Variants in ANGPT2 observed in about 807,000 individuals in gnomAD.
ANGPT2 encodes angiopoietin-2.
A neutral mutation model predicts 62.9 loss-of-function variants in ANGPT2; 28 were observed. The ratio of observed to expected loss-of-function variants is 0.44; its 90% CI spans 0.33 to 0.61. The LOEUF (loss-of-function observed/expected upper bound fraction) is 0.61, where lower values mean the gene tolerates loss of function less well. ANGPT2 is among the 20% of genes least tolerant of loss of function. The pLI is 0.03. For synonymous variants in ANGPT2, 284 were observed against 207.8 expected (o/e 1.37, Z -3.15); for missense variants, 727 against 594.9 (o/e 1.22, Z -2.31).
At chr8:6,520,870 T>G (rs937863144) in intron 4 of ANGPT2, among the ~76,000 whole-genome samples, 1 of 152,234 alleles carries the variant, frequency 6.6e-6, no homozygotes, top group African/African-American at 2.4e-5. Flanking sequence ...ATGTAAAACC[T>G]AAATAAATGA....
At chr8:6,544,902 T>C (rs1048774431) in intron 1 of ANGPT2, among the ~76,000 whole-genome samples, 2 of 152,008 alleles carry the variant, frequency 1.3e-5, no homozygotes, top group Admixed American at 6.6e-5. Flanking sequence ...GATTCTTTGG[T>C]CAGTAGTCTC....
chr8:6,537,820 TA>T (rs1335826335), intron 1 of ANGPT2, among the ~76,000 whole-genome samples: 1 of 152,146 alleles, frequency 6.6e-6, no homozygotes, highest in Admixed American at 6.5e-5. Context: ...ATATGAAAAC[TA>T]TCCCCAACTT....
intron 1 of ANGPT2, among the ~76,000 whole-genome samples, chr8:6,554,993 C>G (rs572313073): frequency 3.9e-5 from 6 of 152,120 alleles, no homozygotes; most frequent in East Asian, 1.9e-4. Context: ...CACACCTGAC[C>G]TAGAGTCCAG....
At chr8:6,535,335 T>G (rs1039986760) in intron 1 of ANGPT2, among the ~76,000 whole-genome samples, 1 of 152,198 alleles carries the variant, frequency 6.6e-6, no homozygotes, top group Non-Finnish European at 1.5e-5. Context: ...AATTTGAAAT[T>G]AAACTTAGGA....
Position 6,503,036 on chromosome 8 carries a change from T to A in ANGPT2, c.*65A>T, listed in dbSNP as rs180960824. 6.3e-7 allele frequency: 1 copy of A among 1,589,342 alleles called. No individual in the cohort carries two copies. The highest frequency in any genetic ancestry group is 2.2e-5 in the East Asian group (1 of 44,734). ...GAGGACACAGTGCGCAGCCGTGACT[T>A]TCAGTGCACTGGGCTTAAGTCTTTG... On this transcript the variant is annotated 3_prime_UTR_variant, in exon 9 of 9. Transcript: ENST00000629816.
Position 6,512,847 on chromosome 8 carries a change from G to C in ANGPT2, c.1196+831C>G, listed in dbSNP as rs2922902. Reference sequence around the variant, plus strand: ...AACACCCAGGGAATGCTGTGAATCTGATGTATTTCCTGTAGAGGAGAGCAG... The same window carrying C: ...AACACCCAGGGAATGCTGTGAATCTCATGTATTTCCTGTAGAGGAGAGCAG... On this transcript the variant is annotated intron_variant, in intron 7 of 8. Transcript: ENST00000629816. 9.1e-3 allele frequency among the ~76,000 whole-genome samples: 1,390 copies of C among 152,314 alleles called. 25 individuals carry two copies. The highest frequency in any genetic ancestry group is 0.031 in the African/African-American group (1,296 of 41,552).
intron 1 of ANGPT2, 95 bp downstream of exon 1, chr8:6,562,552 C>CTTTTTTTTGTTTTTTTT (rs1825704936): frequency 1.4e-5 from 1 of 71,748 alleles, no homozygotes; most frequent in East Asian, 1.8e-4. Context: ...CATCCTCCTT[C>CTTTTTTTTGTTTTTTTT]TTTTTTTTTT....
chr8:6,524,090 C>G (rs977423643), intron 3 of ANGPT2, among the ~76,000 whole-genome samples: 4 of 152,086 alleles, frequency 2.6e-5, no homozygotes, highest in Non-Finnish European at 5.9e-5. Context: ...AAAACAGTGA[C>G]CAGATGTCAG....
chr8:6,532,574 T>TTTAA, intron 1 of ANGPT2, 87 bp from the exon 2 acceptor site: 1 of 589,544 alleles, frequency 1.7e-6, no homozygotes, highest in Non-Finnish European at 2.5e-6. Context: ...TCCCTATCTT[T>TTTAA]AAAAAAAAAA....
At chr8:6,558,660 C>T (rs536739394) in intron 1 of ANGPT2, among the ~76,000 whole-genome samples, 1 of 152,154 alleles carries the variant, frequency 6.6e-6, no homozygotes, top group South Asian at 2.1e-4. Context: ...TCTAGTGTCT[C>T]AATAGAAGGT....
At chr8:6,503,617 C>A (rs1451835056) in intron 8 of ANGPT2, among the ~76,000 whole-genome samples, 1 of 152,176 alleles carries the variant, frequency 6.6e-6, no homozygotes, top group Non-Finnish European at 1.5e-5. Flanking sequence ...CTCCTTCAAC[C>A]AGGATTACTT....
At chr8:6,538,415 A>G (rs188491795) in intron 1 of ANGPT2, among the ~76,000 whole-genome samples, 1 of 152,256 alleles carries the variant, frequency 6.6e-6, no homozygotes, top group East Asian at 1.9e-4. Context: ...TCCACATGCA[A>G]AGCTGGTGAC....
intron 5 of ANGPT2, among the ~76,000 whole-genome samples, chr8:6,516,327 T>C (rs773470058): frequency 2.4e-4 from 36 of 152,232 alleles, no homozygotes; most frequent in Non-Finnish European, 4.3e-4. Context: ...TGCTGTAGTA[T>C]CATAATTCTG....
chr8:6,516,257 T>C (rs538661231), intron 5 of ANGPT2, among the ~76,000 whole-genome samples: 10 of 152,344 alleles, frequency 6.6e-5, no homozygotes, highest in African/African-American at 2.2e-4. Flanking sequence ...TACACACCAC[T>C]CTCATCCAAG....
intron 6 of ANGPT2, 63 bp from the exon 7 acceptor site, chr8:6,513,907 G>A (rs1563324003): frequency 6.9e-7 from 1 of 1,440,432 alleles, no homozygotes. Flanking sequence ...ATTTGAAGTG[G>A]ATAGTCCGTC....
chr8:6,539,599 T>C (rs1340124501), intron 1 of ANGPT2, among the ~76,000 whole-genome samples: 1 of 152,224 alleles, frequency 6.6e-6, no homozygotes, highest in African/African-American at 2.4e-5. Context: ...TTATTGTCTT[T>C]TTTTTGAGAT....
intron 1 of ANGPT2, among the ~76,000 whole-genome samples, chr8:6,533,395 G>T (rs1023416438): frequency 6.6e-6 from 1 of 152,150 alleles, no homozygotes; most frequent in African/African-American, 2.4e-5. Flanking sequence ...AGGGAAGCCT[G>T]CCCTCTGCTT....
chr8:6,534,507 C>T (rs1257240514), intron 1 of ANGPT2, among the ~76,000 whole-genome samples: 1 of 152,120 alleles, frequency 6.6e-6, no homozygotes, highest in Non-Finnish European at 1.5e-5. Flanking sequence ...TTACTCAAGC[C>T]ATCCACCCGC....
At chr8:6,519,277 C>T (rs1425076624) in intron 5 of ANGPT2, among the ~76,000 whole-genome samples, 1 of 152,148 alleles carries the variant, frequency 6.6e-6, no homozygotes, top group Admixed American at 6.5e-5. Context: ...GATGCTAAGA[C>T]ACCACCGGTC....
Sources: allele counts gnomAD v4.1 joint callset (sites outside exome capture counted in the v4.1 genomes callset), GRCh38; gene constraint gnomAD v4.1.1; transcripts MANE v1.5; gene names NCBI Gene and HGNC (gene_info 2026-07-23, HGNC 2026-07-21).